Variants in PIK3R1 observed in about 807,000 individuals in gnomAD.
PIK3R1 encodes phosphoinositide-3-kinase regulatory subunit 1.
In PIK3R1, 29 loss-of-function variants were observed where a neutral mutation model predicts 98.0. The ratio of observed to expected loss-of-function variants is 0.30; its 90% confidence interval spans 0.22 to 0.40. The LOEUF (loss-of-function observed/expected upper bound fraction) is 0.40. Ranked by LOEUF, PIK3R1 falls within the 10% of genes least tolerant of loss-of-function variation. The pLI is 1.00. For synonymous variants in PIK3R1, 282 were observed against 311.8 expected (o/e 0.90, Z 1.01); for missense variants, 596 against 872.7 (o/e 0.68, Z 3.99).
intron 2 of PIK3R1, among the ~76,000 whole-genome samples, chr5:68,270,250 A>G (rs2112152033): frequency 6.6e-6 from 1 of 152,266 alleles, no homozygotes; most frequent in East Asian, 1.9e-4. Context: ...TGCCGAAAAA[A>G]CATTGAAAAG....
In PIK3R1 at chr5:68,289,618, A is replaced by G. The variant is rs1006819947; in HGVS notation, c.917-2641A>G. 6.6e-5 allele frequency among the ~76,000 whole-genome samples: 10 copies of G among 151,874 alleles called. 1 individual carries two copies. The highest frequency in any genetic ancestry group is 2.4e-4 in the African/African-American group (10 of 41,324). On this transcript the variant is annotated intron_variant, in intron 7 of 15. Transcript: ENST00000521381. ...TAAAGAGAGATTGGTTCACAATGAG[A>G]ATGTACAGTAGGCTCCTATAAGGGT... is the stretch of plus-strand genomic sequence containing the variant.
intron 2 of PIK3R1, among the ~76,000 whole-genome samples, chr5:68,250,482 G>A (rs1287921677): frequency 6.6e-6 from 1 of 152,216 alleles, no homozygotes; most frequent in Non-Finnish European, 1.5e-5. Flanking sequence ...ACATATAATA[G>A]AAGCTATGAT....
chr5:68,296,888 C>T (rs1451930185), intron 15 of PIK3R1, among the ~76,000 whole-genome samples: 1 of 152,204 alleles, frequency 6.6e-6, no homozygotes, highest in Non-Finnish European at 1.5e-5. Flanking sequence ...GATCACCTTT[C>T]ATTTAATGAG....
chr5:68,244,394 T>C (rs1487381063), intron 2 of PIK3R1, among the ~76,000 whole-genome samples: 1 of 152,078 alleles, frequency 6.6e-6, no homozygotes, highest in Non-Finnish European at 1.5e-5. Flanking sequence ...ATTAGAAACA[T>C]TAAGTTCACT....
chr5:68,253,214 G>A (rs1016268300), intron 2 of PIK3R1, among the ~76,000 whole-genome samples: 3 of 151,972 alleles, frequency 2.0e-5, no homozygotes, highest in African/African-American at 7.3e-5. Context: ...AGTAGATTTC[G>A]CTTATATCTT....
intron 7 of PIK3R1, chr5:68,290,904 A>G: frequency 2.1e-6 from 2 of 966,790 alleles, no homozygotes; most frequent in Middle Eastern, 3.1e-4. Context: ...AAGCTACTGT[A>G]AAAGATCCTT....
intron 4 of PIK3R1, among the ~76,000 whole-genome samples, chr5:68,275,307 G>C (rs996211404): frequency 2.6e-5 from 4 of 152,252 alleles, no homozygotes; most frequent in East Asian, 3.9e-4. Context: ...CGGTGTTTCT[G>C]ACAGCTTTAT....
At position 68,298,872 on chromosome 5, in the gene PIK3R1, G is replaced by T; in HGVS notation, c.*1271G>T. ...TTGTGAACTTCTTGAATCTAGGGAG[G>T]GGGAATGTAGTGAAGGGATGTATCA... On this transcript the variant is annotated 3_prime_UTR_variant, in exon 16 of 16. Transcript: ENST00000521381. The T allele has an allele frequency of 4.3e-6, 1 of 233,452 alleles. No homozygotes were observed. The allele number at this position is 233,452 out of a possible 1,614,324, so 14.5% of individuals were successfully genotyped here. A position where few individuals can be genotyped will look rare whatever the true frequency, so the allele number is the denominator to read the frequency against.
chr5:68,260,891 CAG>C (rs1745716488), intron 2 of PIK3R1, among the ~76,000 whole-genome samples: 1 of 152,202 alleles, frequency 6.6e-6, no homozygotes, highest in South Asian at 2.1e-4. Flanking sequence ...ACAGAAGTCA[CAG>C]AAATGTTTTC....
intron 14 of PIK3R1, 147 bp from the exon 15 acceptor site, chr5:68,296,024 C>A (rs569027082): frequency 3.0e-6 from 2 of 670,752 alleles, no homozygotes; most frequent in Admixed American, 2.9e-5. Flanking sequence ...AAACTCAGGT[C>A]GGGCAGAGGC....
chr5:68,283,844 C>T (rs1207537974), intron 7 of PIK3R1, among the ~76,000 whole-genome samples: 1 of 152,224 alleles, frequency 6.6e-6, no homozygotes, highest in African/African-American at 2.4e-5. Context: ...TTTTTGGAAA[C>T]TTCGTGAGCA....
chr5:68,282,426 C>T lies in PIK3R1; in HGVS notation c.916+1420C>T, dbSNP rs115982584. On this transcript the variant is annotated intron_variant, in intron 7 of 15. Coordinates refer to ENST00000521381, the MANE Select transcript of PIK3R1 (RefSeq NM_181523.3). ...CTCAGTGAAGGGCTAGTGGGTAGTC[C>T]TGATCTTTTCAGTGGCCACTCCTCT... 4.7e-3 allele frequency among the ~76,000 whole-genome samples: 715 copies of T among 152,212 alleles called. 6 individuals carry two copies. Among genetic ancestry groups the T allele is most frequent in the African/African-American group, 0.016 (664 of 41,516 alleles).
At position 68,299,018 on chromosome 5, in the gene PIK3R1, A is replaced by AGTT. The variant is rs1197836408; in HGVS notation, c.*1421_*1423dup. ...CAGTCTTCTCTCACTTTGATTTGCT[A>AGTT]GTTGTTATCAATTAATGACAATTAC... On this transcript the variant is annotated 3_prime_UTR_variant, in exon 16 of 16. Coordinates refer to ENST00000521381, the MANE Select transcript of PIK3R1 (RefSeq NM_181523.3). 1 of 233,550 alleles carries AGTT rather than the reference A, an allele frequency of 4.3e-6. No individual in the cohort carries two copies. Among genetic ancestry groups the AGTT allele is most frequent in the East Asian group, 6.0e-5 (1 of 16,546 alleles). The allele number at this position is 233,550 out of a possible 1,614,324, so 14.5% of individuals were successfully genotyped here. A position where few individuals can be genotyped will look rare whatever the true frequency, so the allele number is the denominator to read the frequency against.
At chr5:68,259,930 A>G (rs78761531) in intron 2 of PIK3R1, among the ~76,000 whole-genome samples, 2,184 of 152,276 alleles carry the variant, frequency 0.014, 26 homozygotes, top group Middle Eastern at 0.017. Flanking sequence ...TAGTACAGCT[A>G]TATGAGCCTG....
intron 2 of PIK3R1, among the ~76,000 whole-genome samples, chr5:68,231,418 A>G (rs1463646482): frequency 6.6e-6 from 1 of 152,236 alleles, no homozygotes; most frequent in Non-Finnish European, 1.5e-5. Flanking sequence ...CTAAATTTTG[A>G]TCAAAATCCC....
intron 1 of PIK3R1, among the ~76,000 whole-genome samples, chr5:68,224,806 ATATGTG>A (rs1744216892): frequency 1.3e-5 from 2 of 152,356 alleles, no homozygotes; most frequent in Non-Finnish European, 2.9e-5. Flanking sequence ...TACAAAGTGT[ATATGTG>A]TACATGCCGT....
At chr5:68,276,763 A>G (rs1270948182) in intron 4 of PIK3R1, among the ~76,000 whole-genome samples, 2 of 152,244 alleles carry the variant, frequency 1.3e-5, no homozygotes, top group African/African-American at 4.8e-5. Context: ...TTATTCATAT[A>G]CTATGAAAGT....
rs1747847393 is a variant in PIK3R1, at chr5:68,298,392, TA to T, written c.*794del. ...GCTTCTGTTTTGTTTTGCTGAAGGC[TA>T]AATTCACAGCGCTATGCAATTCTTA... On this transcript the variant is annotated 3_prime_UTR_variant, in exon 16 of 16. Coordinates refer to ENST00000521381, the MANE Select transcript of PIK3R1 (RefSeq NM_181523.3). 2 of 233,364 alleles carry T rather than the reference TA, an allele frequency of 8.6e-6. No homozygotes were observed. Among genetic ancestry groups the T allele is most frequent in the South Asian group, 3.6e-4 (2 of 5,524 alleles). The allele number at this position is 233,364 out of a possible 1,614,324, so 14.5% of individuals were successfully genotyped here.
intron 1 of PIK3R1, among the ~76,000 whole-genome samples, chr5:68,218,676 C>T (rs1174568522): frequency 6.6e-6 from 1 of 152,136 alleles, no homozygotes; most frequent in African/African-American, 2.4e-5. Context: ...TTGGAATTCT[C>T]TCACGTCAAG....
Sources: allele counts gnomAD v4.1 joint callset (sites outside exome capture counted in the v4.1 genomes callset), GRCh38; gene constraint gnomAD v4.1.1; transcripts MANE v1.5; gene names NCBI Gene and HGNC (gene_info 2026-07-23, HGNC 2026-07-21).